Variants in DNAAF9 observed in about 807,000 individuals in gnomAD.
DNAAF9 encodes dynein axonemal assembly factor 9, also known as shulin.
A neutral mutation model predicts 167.0 loss-of-function variants in DNAAF9; 90 were observed. The observed-to-expected ratio is 0.54, with a 90% CI of 0.45 to 0.64. The LOEUF is 0.64. Among genes scored for constraint, DNAAF9 ranks in the 30% least tolerant of loss-of-function variants. The pLI is 0.00. For missense variants in DNAAF9, 1,315 were observed against 1,442.2 expected, an observed-to-expected ratio of 0.91 and a Z score of 1.43; for synonymous variants, 491 against 508.8, an observed-to-expected ratio of 0.96 and a Z score of 0.47.
chr20:3,275,527 C>G (rs1408983806), intron 29 of DNAAF9, among the ~76,000 whole-genome samples: 5 of 152,148 alleles, frequency 3.3e-5, no homozygotes. Flanking sequence ...GGTTGGGATT[C>G]TAGGTCAGGA....
intron 27 of DNAAF9, 68 bp from the exon 28 acceptor site, chr20:3,281,834 C>T: frequency 6.6e-7 from 1 of 1,509,238 alleles, no homozygotes. Flanking sequence ...AGAGGGGAAT[C>T]CCGAATGGCT....
intron 33 of DNAAF9, among the ~76,000 whole-genome samples, chr20:3,257,193 CA>C (rs910801069): frequency 6.6e-6 from 1 of 151,730 alleles, no homozygotes; most frequent in African/African-American, 2.4e-5. Context: ...TAAATTTGAA[CA>C]AAAAAAGAGT....
intron 20 of DNAAF9, among the ~76,000 whole-genome samples, chr20:3,314,258 A>G (rs2069463586): frequency 6.6e-6 from 1 of 152,092 alleles, no homozygotes; most frequent in Non-Finnish European, 1.5e-5. Context: ...CCATAATGGG[A>G]TGAGACCCTT....
chr20:3,297,952 A>G (rs1416805274), intron 22 of DNAAF9, 77 bp downstream of exon 22: 1 of 1,186,650 alleles, frequency 8.4e-7, no homozygotes, highest in Non-Finnish European at 1.2e-6. Flanking sequence ...GTTAGCCCCA[A>G]AATGATGCCT....
chr20:3,393,499 G>C (rs921659578), intron 1 of DNAAF9, among the ~76,000 whole-genome samples: 3 of 152,064 alleles, frequency 2.0e-5, no homozygotes, highest in African/African-American at 7.2e-5. Flanking sequence ...GCAACAGAAT[G>C]ACATCTTGTG....
chr20:3,320,757 A>T (rs2069600074), intron 16 of DNAAF9, among the ~76,000 whole-genome samples: 1 of 152,206 alleles, frequency 6.6e-6, no homozygotes, highest in African/African-American at 2.4e-5. Context: ...CACTACTGAC[A>T]GGAACTTTTG....
intron 31 of DNAAF9, 146 bp downstream of exon 31, chr20:3,264,292 G>A (rs899420896): frequency 5.4e-5 from 33 of 611,170 alleles, no homozygotes; most frequent in African/African-American, 1.1e-4. Flanking sequence ...AGCAGCTGCC[G>A]GACAGGCAGG....
At position 3,381,493 on chromosome 20, in the gene DNAAF9, C is replaced by G. The variant is rs777651210; in HGVS notation, c.169G>C (p.Asp57His). The G allele has an allele frequency of 6.2e-7, 1 of 1,613,420 alleles. No individual in the cohort carries two copies. The part of the protein sequence containing the change: ...PDGILCILGI[D>H]SRYNEGCREL... ...CTGCAGCCTTCATTGTACCTGCTAT[C>G]GATTCCTGCAAGGCAAAGGAGGCTC... The change falls in exon 3 of 37, where the codon GAT becomes CAT. Residue 57 changes from aspartate to histidine, a missense_variant. By Grantham distance (81) the Asp-to-His change is moderately conservative. Transcript: ENST00000252032.
At chr20:3,323,213 C>T (rs1308591764) in intron 14 of DNAAF9, among the ~76,000 whole-genome samples, 1 of 149,778 alleles carries the variant, frequency 6.7e-6, no homozygotes, top group East Asian at 1.9e-4. Context: ...CCACTCCTTC[C>T]CCTCTTGGGA....
At chr20:3,362,187 T>G in intron 6 of DNAAF9, 1 of 1,433,362 alleles carries the variant, frequency 7.0e-7, no homozygotes, top group South Asian at 1.2e-5. Flanking sequence ...CTGTCCATCT[T>G]GTAAGTGTCA....
intron 29 of DNAAF9, among the ~76,000 whole-genome samples, chr20:3,277,274 G>A (rs1043952557): frequency 2.6e-5 from 4 of 151,786 alleles, no homozygotes; most frequent in African/African-American, 7.3e-5. Context: ...TTCCCTCAAG[G>A]TCTCTGCAGC....
chr20:3,371,401 T>C (rs750723981), intron 6 of DNAAF9, among the ~76,000 whole-genome samples: 1 of 136,794 alleles, frequency 7.3e-6, no homozygotes, highest in Non-Finnish European at 1.5e-5. Flanking sequence ...TGGAGTGCAG[T>C]GGCGCTATCT....
intron 32 of DNAAF9, 40 bp from the exon 33 acceptor site, chr20:3,259,594 G>C: frequency 7.2e-7 from 1 of 1,390,486 alleles, no homozygotes; most frequent in Non-Finnish European, 1.0e-6. Context: ...CCACATGGAG[G>C]CACAGGCCAA....
intron 3 of DNAAF9, among the ~76,000 whole-genome samples, chr20:3,379,982 G>C (rs913223550): frequency 1.3e-5 from 2 of 152,244 alleles, no homozygotes; most frequent in African/African-American, 2.4e-5. Context: ...CTCGAACCCA[G>C]GAGGTGGAGG....
rs2083558822 is a variant in DNAAF9 at position 3,375,143 on chromosome 20, A to G, written c.409-17T>C. On this transcript the variant is annotated splice_polypyrimidine_tract_variant and intron_variant, in intron 4 of 36. Transcript: ENST00000252032. ...ATCTTCATACTGAAGAGACAAATCA[A>G]AAGAAAAATAAGCTCTGATGAGATA... is the stretch of plus-strand genomic sequence containing the variant. The G allele has an allele frequency of 1.4e-6, 2 of 1,414,878 alleles. No individual in the cohort carries two copies. The highest frequency in any genetic ancestry group is 4.5e-5 in the East Asian group (2 of 43,992). The allele number at this position is 1,414,878 out of a possible 1,614,324, so 87.6% of individuals were successfully genotyped here.
chr20:3,378,741 T>C (rs1483870956), intron 3 of DNAAF9, among the ~76,000 whole-genome samples: 2 of 152,090 alleles, frequency 1.3e-5, no homozygotes, highest in Admixed American at 1.3e-4. Flanking sequence ...GGTAATACAG[T>C]GTGACAGACC....
intron 20 of DNAAF9, among the ~76,000 whole-genome samples, chr20:3,307,394 G>A (rs1246754666): frequency 6.6e-6 from 1 of 152,170 alleles, no homozygotes; most frequent in East Asian, 1.9e-4. Context: ...CATGAGATAA[G>A]TGAAGTGACT....
At chr20:3,353,106 CAGAT>C (rs961778960) in intron 7 of DNAAF9, among the ~76,000 whole-genome samples, 1 of 138,212 alleles carries the variant, frequency 7.2e-6, no homozygotes, top group African/African-American at 2.8e-5. Flanking sequence ...ATAATATATA[CAGAT>C]ATATATAACA....
chr20:3,281,084 A>G (rs1473384823), intron 28 of DNAAF9, among the ~76,000 whole-genome samples: 2 of 152,118 alleles, frequency 1.3e-5, no homozygotes, highest in African/African-American at 2.4e-5. Context: ...GCTGGGGTGC[A>G]GTGGCACGAT....
Sources: allele counts gnomAD v4.1 joint callset (sites outside exome capture counted in the v4.1 genomes callset), GRCh38; gene constraint gnomAD v4.1.1; transcripts MANE v1.5; gene names NCBI Gene and HGNC (gene_info 2026-07-23, HGNC 2026-07-21).